Variants in NEB observed in about 807,000 individuals in gnomAD.
NEB encodes nemaline myopathy type 2.
Under a neutral mutation model 952.2 loss-of-function variants are expected in NEB, and 512 were observed. That is an observed-to-expected ratio of 0.54 (90% CI 0.50 to 0.58). The LOEUF is 0.58. NEB is among the 20% of genes least tolerant of loss of function. The probability of loss-of-function intolerance (pLI) is 0.00; values close to 1 mark genes in which losing one functional copy is unlikely to be tolerated. For synonymous variants in NEB, 2,900 were observed against 3,149.8 expected (o/e 0.92, Z 2.66); for missense variants, 8,428 against 9,231.1 (o/e 0.91, Z 3.56).
At chr2:151,726,008 G>C (rs2099789502) in intron 5 of NEB, among the ~76,000 whole-genome samples, 1 of 152,126 alleles carries the variant, frequency 6.6e-6, no homozygotes, top group East Asian at 1.9e-4. Context: ...ATTAATGGCA[G>C]ATCTGAATTA....
At position 151,492,226 on chromosome 2, in the gene NEB, G is replaced by T. The variant is rs1161542873; in HGVS notation, c.24929C>A (p.Thr8310Lys). ...CTTTACTCGTTCAGTGATAGGATCT[G>T]TCACCACTGGTGTGAAGCAACCCTT... ...KHKGCFTPVV[T>K]DPITERVKKN... Residue 8310 changes from threonine to lysine, a missense_variant, in exon 178 of 182, where the codon ACA (threonine) becomes AAA (lysine). By Grantham distance (78) the Thr-to-Lys change is moderately conservative. Transcript: ENST00000397345. 6.2e-7 allele frequency: 1 copy of T among 1,613,874 alleles called. No individual in the cohort carries two copies. The highest frequency in any genetic ancestry group is 1.7e-5 in the Admixed American group (1 of 60,020).
In NEB at chr2:151,659,040, T is replaced by C. The variant is rs764154248; in HGVS notation, c.6075+25A>G. The C allele has an allele frequency of 6.2e-6, 9 of 1,457,242 alleles. No homozygotes were observed. In the Admixed American group the frequency reaches 8.4e-5, roughly 14 times the overall value. 90.3% of individuals were successfully genotyped at this position (1,457,242 alleles called of 1,614,324 possible). A position where few individuals can be genotyped will look rare whatever the true frequency, so the allele number is the denominator to read the frequency against. On this transcript the variant is annotated intron_variant, in intron 47 of 181. Transcript: ENST00000397345. ...GGTTCAAATCTGCTGGAGAGAAAGA[T>C]GACAACAGGGGGAACTATACTTACA...
chr2:151,682,587 A>G, intron 29 of NEB, 75 bp downstream of exon 29: 1 of 1,178,734 alleles, frequency 8.5e-7, no homozygotes, highest in South Asian at 1.4e-5. Flanking sequence ...GCAATGAAGG[A>G]GCACTGCCCA....
Position 151,702,695 on chromosome 2 carries a change from C to CT in NEB, c.1152+4185dup, listed in dbSNP as rs771816987. 7.1e-3 allele frequency among the ~76,000 whole-genome samples: 1,080 copies of CT among 151,746 alleles called. 19 individuals carry two copies. Among genetic ancestry groups the CT allele is most frequent in the East Asian group, 0.061 (314 of 5,148 alleles). On this transcript the variant is annotated intron_variant, in intron 13 of 181. Transcript: ENST00000397345. ...CAGAGACTAGGATTGCAACCCCTGC[C>CT]TTTTTTTTGTTTTCCATTTGCTTGG...
intron 43 of NEB, 37 bp downstream of exon 43, chr2:151,664,722 C>T (rs761680491): frequency 1.3e-6 from 2 of 1,560,688 alleles, no homozygotes; most frequent in African/African-American, 1.4e-5. Flanking sequence ...TTCCCTTTAA[C>T]CTTCTCCCCA....
chr2:151,694,602 T>C lies in NEB; in HGVS notation c.1702A>G (p.Ser568Gly). 1 of 1,596,388 alleles carries C rather than the reference T, an allele frequency of 6.3e-7. No individual in the cohort carries two copies. The highest frequency in any genetic ancestry group is 1.1e-5 in the South Asian group (1 of 88,856). The change falls in exon 19 of 182, where the codon AGC becomes GGC. Residue 568 changes from serine (S) to glycine (G), a missense_variant. Ser to Gly is a moderately conservative substitution (Grantham distance 56). Transcript: ENST00000397345. The stretch of plus-strand genomic sequence containing the variant: ...TTAATGTCAAACTTTTTGGCTTTGC[T>C]CTTCTCCCAGTCTTGCTTATAAAGA... ...DNLYKQDWEK[S>G]KAKKFDIKVD...
chr2:151,614,325 T>A lies in NEB; in HGVS notation c.11552A>T (p.Asp3851Val). 1.2e-6 allele frequency: 2 copies of A among 1,613,930 alleles called. No individual in the cohort carries two copies. The highest frequency in any genetic ancestry group is 1.7e-6 in the Non-Finnish European group (2 of 1,179,832). Residue 3851 changes from aspartate to valine, a missense_variant, in exon 77 of 182, where the codon GAT (aspartate) becomes GTT (valine). This residue lies in a region of NEB where 1,772 missense variants were observed against 1,960.3 expected (regional missense o/e 0.90). Coordinates refer to ENST00000397345, the MANE Select transcript of NEB (RefSeq NM_001164508.2). ...HPLHEWTCLP[D>V]QNDVIQARKA... ...CCGAGCCTGAATGACGTCATTCTGA[T>A]CAGGCAGGCAGGTCCATTCATGCAG... is the stretch of plus-strand genomic sequence containing the variant.
chr2:151,610,044 AT>A lies in NEB; in HGVS notation c.12094del (p.Ile4032LeufsTer34). On this transcript the variant is annotated frameshift_variant, in exon 81 of 182. Transcript: ENST00000397345. LOFTEE classifies it high-confidence loss of function. ...TTTTCCTGCATGTATGGCACACATA[AT>A]CTTGGGATCATCTTCAATGCTCTGG... ...GAQSIEDDPK[I>X]MCAIHAGKIQ... The A allele has an allele frequency of 6.2e-7, 1 of 1,613,778 alleles. No individual in the cohort carries two copies. Among genetic ancestry groups the A allele is most frequent in the Non-Finnish European group, 8.5e-7 (1 of 1,179,826 alleles).
rs1421225863 is a variant in NEB at position 151,671,006 on chromosome 2, G to C, written c.4506+17C>G. ...TGGTTATTTACGGGCAAATCATTTT[G>C]AAAGGAAAGCACTCACATCACTTAG... On this transcript the variant is annotated intron_variant, in intron 38 of 181. Transcript: ENST00000397345. The C allele has an allele frequency of 1.4e-5, 23 of 1,607,512 alleles. No homozygotes were observed. The highest frequency in any genetic ancestry group is 1.9e-5 in the Non-Finnish European group (22 of 1,173,904).
Position 151,665,481 on chromosome 2 carries a change from T to C in NEB, c.5090A>G (p.Glu1697Gly). 6.2e-7 allele frequency: 1 copy of C among 1,612,992 alleles called. No individual in the cohort carries two copies. Among genetic ancestry groups the C allele is most frequent in the East Asian group, 2.2e-5 (1 of 44,870 alleles). The change falls in exon 42 of 182, where the codon GAG (glutamate) becomes GGG (glycine). Residue 1697 changes from glutamate (E) to glycine (G), a missense_variant. Transcript: ENST00000397345. ...WMKGIGWVPIESLEVEKAKKA... is the reference protein window; with the variant it reads ...WMKGIGWVPIGSLEVEKAKKA... ...CTTTGCCTTCTCCACCTCCAGGGAC[T>C]CTATGGGCACCCAGCCGATCCCTTT...
chr2:151,629,927 T>TATCA (rs1253861688), intron 67 of NEB, among the ~76,000 whole-genome samples: 1 of 152,018 alleles, frequency 6.6e-6, no homozygotes, highest in Non-Finnish European at 1.5e-5. Flanking sequence ...ATGATGTACA[T>TATCA]ATCAGCATAG....
At chr2:151,534,879 A>G (rs2092768803) in intron 142 of NEB, among the ~76,000 whole-genome samples, 1 of 152,260 alleles carries the variant, frequency 6.6e-6, no homozygotes, top group Non-Finnish European at 1.5e-5. Context: ...ACTGAAAGTG[A>G]ACTGAATCAA....
At position 151,573,867 on chromosome 2, in the gene NEB, T is replaced by C. The variant is rs111542649; in HGVS notation, c.17013+1828A>G. ...TTGTACTCACAAATAGTTTTTTTTT[T>C]CCTCAGTTGATTCTCTTTTTTAAGA... is the stretch of plus-strand genomic sequence containing the variant. On this transcript the variant is annotated intron_variant, in intron 107 of 181. Coordinates refer to ENST00000397345, the MANE Select transcript of NEB (RefSeq NM_001164508.2). 3.5e-3 allele frequency among the ~76,000 whole-genome samples: 533 copies of C among 152,308 alleles called. 4 individuals are homozygous for C. The highest frequency in any genetic ancestry group is 0.012 in the African/African-American group (497 of 41,566).
At chr2:151,718,459 C>T (rs899180383) in intron 9 of NEB, among the ~76,000 whole-genome samples, 6 of 152,170 alleles carry the variant, frequency 3.9e-5, no homozygotes, top group African/African-American at 1.4e-4. Context: ...AGTCCCTACT[C>T]TCAGGGGCCA....
Position 151,562,151 on chromosome 2 carries a change from G to T in NEB, c.18955C>A (p.Gln6319Lys), listed in dbSNP as rs924519892. 3.1e-6 allele frequency: 5 copies of T among 1,613,434 alleles called. No individual in the cohort carries two copies. In the East Asian group the frequency reaches 8.9e-5, roughly 29 times the overall value. ...GIGCYVWDTP[Q>K]ILHAKKSYDL... ...TATGATTTCTTGGCATGGAGGATTT[G>T]GGGTGTATCCCAAACGTAGCAACCA... Residue 6319 changes from glutamine to lysine, a missense_variant, in exon 121 of 182, where the codon CAA (glutamine) becomes AAA (lysine). Gln to Lys is a moderately conservative substitution (Grantham distance 53). Coordinates refer to ENST00000397345, the MANE Select transcript of NEB (RefSeq NM_001164508.2).
chr2:151,567,995 C>G, intron 113 of NEB, 76 bp downstream of exon 113: 1 of 1,144,686 alleles, frequency 8.7e-7, no homozygotes, highest in Non-Finnish European at 1.3e-6. Flanking sequence ...GGTGCTATCT[C>G]TGCCTTTGGC....
At chr2:151,487,047 G>T (rs1454158739) in intron 181 of NEB, among the ~76,000 whole-genome samples, 2 of 142,770 alleles carry the variant, frequency 1.4e-5, no homozygotes, top group East Asian at 5.3e-4. Context: ...GCATGAAATT[G>T]TGTGTGTGTG....
In NEB at chr2:151,643,928, G is replaced by C. The variant is rs1035485080; in HGVS notation, c.7846C>G (p.Gln2616Glu). ...MLGVVLAKKC[Q>E]TLVSDVDYKN... ...TAGTCCACGTCGCTGACTAAGGTCT[G>C]GCACTTCTTGGCCAACACCACCCCC... is the stretch of plus-strand genomic sequence containing the variant. Residue 2616 changes from glutamine (Q) to glutamate (E), a missense_variant, in exon 57 of 182, where the codon CAG becomes GAG. This residue lies in a region of NEB where 1,772 missense variants were observed against 1,960.3 expected (regional missense o/e 0.90). Coordinates refer to ENST00000397345, the MANE Select transcript of NEB (RefSeq NM_001164508.2). 3.1e-6 allele frequency: 5 copies of C among 1,613,800 alleles called. No homozygotes were observed. The highest frequency in any genetic ancestry group is 1.7e-5 in the Admixed American group (1 of 60,008).
chr2:151,697,264 A>C lies in NEB; in HGVS notation c.1366-12T>G, dbSNP rs1057523429. The C allele has an allele frequency of 6.2e-7, 1 of 1,612,998 alleles. No individual in the cohort carries two copies. The highest frequency in any genetic ancestry group is 1.7e-5 in the Admixed American group (1 of 60,028). ...GCTTTGTAGTTTTTCTATGAGGAGA[A>C]GAAATTAGGCATAAGATGCAGCCAT... On this transcript the variant is annotated splice_polypyrimidine_tract_variant and intron_variant, in intron 15 of 181. Coordinates refer to ENST00000397345, the MANE Select transcript of NEB (RefSeq NM_001164508.2).
Sources: allele counts gnomAD v4.1 joint callset (sites outside exome capture counted in the v4.1 genomes callset), GRCh38; gene constraint gnomAD v4.1.1; regional missense constraint gnomAD v4.1.1; transcripts MANE v1.5; gene names NCBI Gene and HGNC (gene_info 2026-07-23, HGNC 2026-07-21).